KLHL6: variants seen among roughly 807,000 people sequenced by gnomAD.
The protein encoded by KLHL6 is kelch like family member 6.
Under a neutral mutation model 58.6 loss-of-function variants are expected in KLHL6, and 41 were observed. The observed-to-expected ratio is 0.70, with a 90% CI of 0.55 to 0.91. The LOEUF is 0.91. Among genes scored for constraint, KLHL6 ranks in the 40% least tolerant of loss-of-function variants. The probability of loss-of-function intolerance (pLI) is 0.00; values close to 1 mark genes in which losing one functional copy is unlikely to be tolerated. For synonymous variants in KLHL6, 338 were observed against 322.7 expected (o/e 1.05, Z -0.51); for missense variants, 714 against 805.6 (o/e 0.89, Z 1.38).
chr3:183,531,427 TTC>T (rs1712153656), intron 1 of KLHL6, among the ~76,000 whole-genome samples: 1 of 151,396 alleles, frequency 6.6e-6, no homozygotes, highest in South Asian at 2.1e-4. Flanking sequence ...CTTCTTTCTG[TTC>T]TTTTTTTGTC....
At chr3:183,539,602 G>A (rs557186416) in intron 1 of KLHL6, among the ~76,000 whole-genome samples, 221 of 151,948 alleles carry the variant, frequency 1.5e-3, no homozygotes, top group African/African-American at 5.1e-3. Context: ...TCAGCTTCTC[G>A]GGAGGCTGAG....
At chr3:183,528,450 G>A (rs1000046735) in intron 1 of KLHL6, among the ~76,000 whole-genome samples, 1 of 152,222 alleles carries the variant, frequency 6.6e-6, no homozygotes, top group Non-Finnish European at 1.5e-5. Context: ...TGCCAGAAGT[G>A]CAAGTGGCTC....
intron 1 of KLHL6, among the ~76,000 whole-genome samples, chr3:183,535,435 A>G (rs1006212851): frequency 1.6e-4 from 24 of 152,226 alleles, no homozygotes; most frequent in African/African-American, 5.8e-4. Flanking sequence ...CGTGAATGTC[A>G]TATAAATAAA....
Position 183,512,986 on chromosome 3 carries a change from A to C in KLHL6, c.460-4478T>G, listed in dbSNP as rs189637205. 5.9e-5 allele frequency among the ~76,000 whole-genome samples: 9 copies of C among 152,246 alleles called. No homozygotes were observed. The East Asian group carries it at 1.7e-3, about 29-fold the overall frequency. On this transcript the variant is annotated intron_variant, in intron 2 of 6. Transcript: ENST00000341319. Reference sequence around the variant, plus strand: ...CTACCTAAAATAGACCAACTTTCTCATTTATAGAGAAAATACTAGAAGGTA... The same window carrying C: ...CTACCTAAAATAGACCAACTTTCTCCTTTATAGAGAAAATACTAGAAGGTA...
intron 1 of KLHL6, 140 bp downstream of exon 1, chr3:183,555,221 A>G (rs1713066241): frequency 5.3e-6 from 3 of 568,416 alleles, no homozygotes; most frequent in Admixed American, 3.5e-5. Flanking sequence ...CCTTTCTTAT[A>G]TTTTAAGTAG....
rs1717535717 is a variant in KLHL6, at chr3:183,491,044, T to C, written c.*883A>G. ...AAACACCTTTATTTCCCTGCTGTGC[T>C]GAGTGAATCTTTTAGCAGACTTGCC... On this transcript the variant is annotated 3_prime_UTR_variant, in exon 7 of 7. Coordinates refer to ENST00000341319, the MANE Select transcript of KLHL6 (RefSeq NM_130446.4). 1 of 152,244 alleles carries C rather than the reference T, an allele frequency of 6.6e-6. No individual in the cohort carries two copies. The highest frequency in any genetic ancestry group is 6.5e-5 in the Admixed American group (1 of 15,284). The allele number at this position is 152,244 out of a possible 1,614,324, so 9.4% of individuals were successfully genotyped here. A position where few individuals can be genotyped will look rare whatever the true frequency, so the allele number is the denominator to read the frequency against.
At chr3:183,552,054 T>C (rs1712934760) in intron 1 of KLHL6, 1 of 152,084 alleles carries the variant, frequency 6.6e-6, no homozygotes, top group Non-Finnish European at 1.5e-5. Context: ...ATTTATCAGA[T>C]TGGTAAAACT....
chr3:183,551,375 T>C lies in KLHL6; in HGVS notation c.293+3986A>G, dbSNP rs79790989. 5.9e-3 allele frequency among the ~76,000 whole-genome samples: 900 copies of C among 152,230 alleles called. 6 individuals carry two copies. Among genetic ancestry groups the C allele is most frequent in the South Asian group, 0.036 (174 of 4,818 alleles). ...ATTCTGAGGAAATGGAACTGGTAGA[T>C]TGTTTGATGCATTGGACCATATGAA... is the stretch of plus-strand genomic sequence containing the variant. On this transcript the variant is annotated intron_variant, in intron 1 of 6. Transcript: ENST00000341319.
In KLHL6 at chr3:183,491,765, C is replaced by T; in HGVS notation, c.*162G>A. On this transcript the variant is annotated 3_prime_UTR_variant, in exon 7 of 7. Transcript: ENST00000341319. The stretch of plus-strand genomic sequence containing the variant: ...ACATTCCTGGCCGGTCTCAAGTGAC[C>T]CCAAACTGTGACTTCCAAGGTTCCC... 1 of 552,350 alleles carries T rather than the reference C, an allele frequency of 1.8e-6. No individual in the cohort carries two copies. The highest frequency in any genetic ancestry group is 2.9e-6 in the Non-Finnish European group (1 of 341,364). 34.2% of individuals were successfully genotyped at this position (552,350 alleles called of 1,614,324 possible). A position where few individuals can be genotyped will look rare whatever the true frequency, so the allele number is the denominator to read the frequency against.
chr3:183,542,791 C>A (rs1263283558), intron 1 of KLHL6, among the ~76,000 whole-genome samples: 1 of 152,060 alleles, frequency 6.6e-6, no homozygotes, highest in African/African-American at 2.4e-5. Context: ...ATTTATTCAT[C>A]TTTGTAAACT....
intron 1 of KLHL6, chr3:183,552,274 G>C (rs942243591): frequency 6.6e-6 from 1 of 152,200 alleles, no homozygotes; most frequent in Non-Finnish European, 1.5e-5. Context: ...ATTAGAAATA[G>C]TCCAGATGTC....
chr3:183,522,282 CGCCACTGCACTCCAGCCTGG>C (rs1711794208), intron 2 of KLHL6: 1 of 152,290 alleles, frequency 6.6e-6, no homozygotes, highest in Admixed American at 6.5e-5. Context: ...GCCGAGATGG[CGCCACTGCACTCCAGCCTGG>C]GCAACAGAGC....
intron 2 of KLHL6, among the ~76,000 whole-genome samples, chr3:183,515,012 T>C (rs1200472119): frequency 1.3e-5 from 2 of 152,200 alleles, no homozygotes; most frequent in African/African-American, 2.4e-5. Context: ...CTGGGATCAA[T>C]GGATCGATCC....
chr3:183,541,580 T>C (rs113018039), intron 1 of KLHL6, among the ~76,000 whole-genome samples: 7,401 of 152,260 alleles, frequency 0.049, 583 homozygotes, highest in African/African-American at 0.17. Flanking sequence ...TGGCACATGC[T>C]TGTAGTCCCA....
chr3:183,507,383 T>TAGTG (rs1227569437), intron 3 of KLHL6, among the ~76,000 whole-genome samples: 1 of 152,090 alleles, frequency 6.6e-6, no homozygotes, highest in African/African-American at 2.4e-5. Flanking sequence ...CCCCATGGAA[T>TAGTG]AGTGACTAGA....
chr3:183,497,533 G>T (rs1717747365), intron 4 of KLHL6, among the ~76,000 whole-genome samples: 2 of 152,242 alleles, frequency 1.3e-5, no homozygotes, highest in South Asian at 4.1e-4. Context: ...CCTGCACCCA[G>T]AGGGGGTGAG....
chr3:183,555,244 T>G, intron 1 of KLHL6, 117 bp downstream of exon 1: 2 of 735,576 alleles, frequency 2.7e-6, no homozygotes, highest in East Asian at 2.6e-5. Flanking sequence ...ACACAAGCCT[T>G]AATATATATG....
At chr3:183,507,972 TGAATCCGC>T in intron 3 of KLHL6, 79 bp downstream of exon 3, 1 of 1,214,202 alleles carries the variant, frequency 8.2e-7, no homozygotes, top group Non-Finnish European at 1.2e-6. Context: ...TAAGGATTTT[TGAATCCGC>T]TTTGCTTGCA....
intron 1 of KLHL6, among the ~76,000 whole-genome samples, chr3:183,535,366 C>G (rs901638251): frequency 1.3e-5 from 2 of 152,156 alleles, no homozygotes; most frequent in Admixed American, 6.5e-5. Context: ...GTCCTGAACT[C>G]AGGTGTTGGG....
Sources: gnomAD v4.1 joint callset for allele counts (sites outside exome capture counted in the v4.1 genomes callset) on GRCh38, gnomAD v4.1.1 for gene constraint, MANE v1.5 for transcripts, NCBI Gene and HGNC (gene_info 2026-07-23, HGNC 2026-07-21) for gene names.